The following SLC1A6 variants were observed in gnomAD, a reference collection of about 807,000 sequenced individuals.
SLC1A6 encodes the protein excitatory amino acid transporter 4.
SLC1A6 carries 15 observed loss-of-function variants against 42.1 expected under a neutral mutation model. That is an observed-to-expected ratio of 0.36 (90% CI 0.24 to 0.55). The LOEUF (loss-of-function observed/expected upper bound fraction) is 0.55. Ranked by LOEUF, SLC1A6 falls within the 20% of genes least tolerant of loss-of-function variation. The probability of loss-of-function intolerance (pLI) is 0.88; values close to 1 mark genes in which losing one functional copy is unlikely to be tolerated. For missense variants in SLC1A6, 542 were observed against 772.5 expected (o/e 0.70, Z 3.54); for synonymous variants, 317 against 319.7 (o/e 0.99, Z 0.09).
chr19:14,980,773 TA>T (rs1372265031), upstream of SLC1A6, among the ~76,000 whole-genome samples: 1 of 151,686 alleles, frequency 6.6e-6, no homozygotes, highest in Non-Finnish European at 1.5e-5. Context: ...TACTTATATT[TA>T]ATCTACACAC....
At chr19:15,000,670 G>A in intron 1 of SLC1A6, among the ~76,000 whole-genome samples, 1 of 152,166 alleles carries the variant, frequency 6.6e-6, no homozygotes, top group Non-Finnish European at 1.5e-5. Flanking sequence ...TAAACATGGG[G>A]AGTGCAAATA....
chr19:14,964,509 A>G (rs905086082), intron 4 of SLC1A6, 148 bp from the exon 5 acceptor site: 10 of 711,688 alleles, frequency 1.4e-5, no homozygotes, highest in African/African-American at 6.9e-5. Flanking sequence ...GCATCTTACT[A>G]TCATCTGATT....
At chr19:14,960,523 G>C (rs2045500069) in intron 6 of SLC1A6, among the ~76,000 whole-genome samples, 4 of 152,208 alleles carry the variant, frequency 2.6e-5, no homozygotes, top group Admixed American at 2.6e-4. Context: ...AGATACATGG[G>C]GAAGTAAATG....
intron 5 of SLC1A6, among the ~76,000 whole-genome samples, chr19:14,963,053 A>C (rs2045533357): frequency 6.6e-6 from 1 of 152,218 alleles, no homozygotes; most frequent in African/African-American, 2.4e-5. Context: ...AAATCAACCT[A>C]AGTATCCATC....
chr19:14,981,509 C>T (rs138105230), upstream of SLC1A6, among the ~76,000 whole-genome samples: 380 of 152,288 alleles, frequency 2.5e-3, 1 homozygote, highest in Non-Finnish European at 4.1e-3. Context: ...GCTTCAGTCA[C>T]TCACTGTGCT....
intron 1 of SLC1A6, among the ~76,000 whole-genome samples, chr19:15,002,067 T>C (rs552268642): frequency 6.6e-6 from 1 of 152,142 alleles, no homozygotes; most frequent in African/African-American, 2.4e-5. Flanking sequence ...GCACACGCTA[T>C]TTCTCTTTTA....
chr19:15,004,911 C>A (rs1000601874), intron 1 of SLC1A6, among the ~76,000 whole-genome samples: 5 of 152,092 alleles, frequency 3.3e-5, no homozygotes, highest in Non-Finnish European at 5.9e-5. Context: ...TTCAGACACA[C>A]GCAGGTGAAT....
rs577143499 is a variant in SLC1A6 at position 14,966,678 on chromosome 19, T to C, written c.548+1625A>G. On this transcript the variant is annotated intron_variant, in intron 4 of 9. Coordinates refer to ENST00000594383, the MANE Select transcript of SLC1A6 (RefSeq NM_005071.3). ...AAGAAAATATGGCACATATATGCCA[T>C]GCAAATACTATGCAGCCATAAAAAA... Among the ~76,000 whole-genome samples the C allele has an allele frequency of 5.3e-4, 80 of 152,290 alleles. No individual in the cohort carries two copies. In the South Asian group the frequency reaches 0.016, roughly 30 times the overall value.
At chr19:15,002,577 A>G (rs935548739) in intron 1 of SLC1A6, among the ~76,000 whole-genome samples, 1 of 152,370 alleles carries the variant, frequency 6.6e-6, no homozygotes, top group South Asian at 2.1e-4. Flanking sequence ...CATCAGGTCC[A>G]GCCCACACTC....
intron 1 of SLC1A6, among the ~76,000 whole-genome samples, chr19:14,994,425 G>A (rs2145234832): frequency 6.6e-6 from 1 of 152,200 alleles, no homozygotes; most frequent in Non-Finnish European, 1.5e-5. Context: ...ATAACCCCCA[G>A]ATGCTGACTG....
chr19:14,970,387 A>G (rs2045624188), intron 3 of SLC1A6, among the ~76,000 whole-genome samples: 1 of 152,122 alleles, frequency 6.6e-6, no homozygotes, highest in Admixed American at 6.5e-5. Flanking sequence ...TCTTAATAAC[A>G]TTCTATTCTC....
upstream of SLC1A6, among the ~76,000 whole-genome samples, chr19:14,984,217 G>A (rs2045782003): frequency 1.3e-5 from 2 of 152,168 alleles, no homozygotes; most frequent in South Asian, 4.1e-4. Flanking sequence ...GCTGAGGCAG[G>A]AGAATCACTT....
At chr19:14,950,543 CCT>C (rs2145158081) in intron 9 of SLC1A6, among the ~76,000 whole-genome samples, 153 bp from the exon 10 acceptor site, 1 of 152,264 alleles carries the variant, frequency 6.6e-6, no homozygotes, top group South Asian at 2.1e-4. Context: ...GGTTCTTCCC[CCT>C]CTCTGCCCTG....
At chr19:14,970,477 C>T (rs998327433) in intron 3 of SLC1A6, among the ~76,000 whole-genome samples, 21 of 151,882 alleles carry the variant, frequency 1.4e-4, no homozygotes. Flanking sequence ...TTTGGGAGGC[C>T]AAGGCGGGCG....
At chr19:14,977,057 A>AG (rs1384827829) in intron 1 of SLC1A6, 26 of 127,494 alleles carry the variant, frequency 2.0e-4, no homozygotes, top group Non-Finnish European at 1.7e-5. Flanking sequence ...AAAAAAAAAA[A>AG]TCCCAAAGAG....
intron 1 of SLC1A6, among the ~76,000 whole-genome samples, chr19:15,010,182 T>TCAAAAAA (rs1568304819): frequency 1.2e-4 from 4 of 34,292 alleles, no homozygotes; most frequent in African/African-American, 3.3e-4. Context: ...CAAGACTCTA[T>TCAAAAAA]GAAAAAAAAA....
At chr19:14,951,761 G>T (rs1424935188) in intron 9 of SLC1A6, among the ~76,000 whole-genome samples, 1 of 151,652 alleles carries the variant, frequency 6.6e-6, no homozygotes, top group South Asian at 2.1e-4. Flanking sequence ...CAGGTGATCT[G>T]CCCACCTCGG....
At chr19:15,008,843 C>T (rs1254964998) in intron 1 of SLC1A6, among the ~76,000 whole-genome samples, 5 of 85,660 alleles carry the variant, frequency 5.8e-5, no homozygotes, top group East Asian at 3.1e-4. Flanking sequence ...AAATAATTCG[C>T]GTTTTTTTTT....
chr19:14,969,410 T>C (rs2045612172), intron 3 of SLC1A6, among the ~76,000 whole-genome samples: 1 of 152,216 alleles, frequency 6.6e-6, no homozygotes, highest in African/African-American at 2.4e-5. Context: ...AAAGAATGAC[T>C]GTGCAGGGAT....
Sources: gnomAD v4.1 joint callset for allele counts (sites outside exome capture counted in the v4.1 genomes callset) on GRCh38, gnomAD v4.1.1 for gene constraint, MANE v1.5 for transcripts, NCBI Gene and HGNC (gene_info 2026-07-23, HGNC 2026-07-21) for gene names.